The following EFNA5 variants were observed in gnomAD, a reference collection of about 807,000 sequenced individuals.
The protein encoded by EFNA5 is ephrin A5, also known as ephrin-A5.
EFNA5 carries 5 observed loss-of-function variants against 22.9 expected under a neutral mutation model. The ratio of observed to expected loss-of-function variants is 0.22; its 90% CI spans 0.11 to 0.46. The LOEUF is 0.46. Ranked by LOEUF, EFNA5 falls within the 20% of genes least tolerant of loss-of-function variation. The pLI, the probability that EFNA5 is intolerant of heterozygous loss-of-function variation, is 0.99. For synonymous variants in EFNA5, 113 were observed against 112.2 expected, an observed-to-expected ratio of 1.01 and a Z score of -0.04; for missense variants, 237 against 293.3, an observed-to-expected ratio of 0.81 and a Z score of 1.40.
intron 2 of EFNA5, among the ~76,000 whole-genome samples, chr5:107,425,704 C>T (rs1483103057): frequency 1.3e-5 from 2 of 152,108 alleles, no homozygotes; most frequent in African/African-American, 4.8e-5. Flanking sequence ...AAAACTGGTA[C>T]TGTTCAATTT....
At chr5:107,443,493 G>A (rs552943481) in intron 1 of EFNA5, among the ~76,000 whole-genome samples, 1 of 152,202 alleles carries the variant, frequency 6.6e-6, no homozygotes, top group Non-Finnish European at 1.5e-5. Context: ...TGTTGAACTG[G>A]AGACAGTTAA....
At chr5:107,410,878 G>T (rs1344354088) in intron 2 of EFNA5, among the ~76,000 whole-genome samples, 1 of 152,084 alleles carries the variant, frequency 6.6e-6, no homozygotes, top group Non-Finnish European at 1.5e-5. Context: ...CCAGTCTATT[G>T]CATGTCTTAT....
chr5:107,398,132 C>T (rs1056759206), intron 2 of EFNA5, among the ~76,000 whole-genome samples: 3 of 152,074 alleles, frequency 2.0e-5, no homozygotes, highest in African/African-American at 7.2e-5. Flanking sequence ...TTCCCAGGCT[C>T]CCTCTTTATC....
intron 2 of EFNA5, among the ~76,000 whole-genome samples, chr5:107,399,856 A>G (rs1307604419): frequency 6.6e-6 from 1 of 152,204 alleles, no homozygotes; most frequent in African/African-American, 2.4e-5. Flanking sequence ...GTACTTTAAT[A>G]CTTTTAAACT....
At chr5:107,612,295 C>G (rs1224350368) in intron 1 of EFNA5, among the ~76,000 whole-genome samples, 1 of 151,938 alleles carries the variant, frequency 6.6e-6, no homozygotes, top group Non-Finnish European at 1.5e-5. Flanking sequence ...TGCATTATAA[C>G]AACATAATAA....
intron 1 of EFNA5, among the ~76,000 whole-genome samples, chr5:107,593,022 A>T (rs73198701): frequency 0.051 from 7,716 of 152,256 alleles, 643 homozygotes; most frequent in African/African-American, 0.18. Flanking sequence ...ATTAAAAGAG[A>T]TGTGAGAAAC....
intron 4 of EFNA5, among the ~76,000 whole-genome samples, chr5:107,383,808 C>A (rs1243879538): frequency 6.6e-6 from 1 of 152,202 alleles, no homozygotes; most frequent in Non-Finnish European, 1.5e-5. Context: ...AGGAATAGAT[C>A]TTACAAGGTA....
chr5:107,640,761 T>C (rs1346136081), intron 1 of EFNA5, among the ~76,000 whole-genome samples: 2 of 152,200 alleles, frequency 1.3e-5, no homozygotes, highest in Non-Finnish European at 2.9e-5. Flanking sequence ...AATGCTTTCC[T>C]AACCACAGAG....
chr5:107,382,144 G>A (rs1278513621), intron 4 of EFNA5, among the ~76,000 whole-genome samples: 2 of 152,150 alleles, frequency 1.3e-5, no homozygotes, highest in Non-Finnish European at 2.9e-5. Context: ...AGTGAGTTAA[G>A]CTTCTTTTAT....
rs948656264 is a variant in EFNA5, at chr5:107,376,965, C to G, written c.*4290G>C. 1 of 150,484 alleles carries G rather than the reference C, an allele frequency of 6.6e-6. No homozygotes were observed. Among genetic ancestry groups the G allele is most frequent in the Non-Finnish European group, 1.5e-5 (1 of 67,796 alleles). 9.3% of individuals were successfully genotyped at this position (150,484 alleles called of 1,614,324 possible). A position where few individuals can be genotyped will look rare whatever the true frequency, so the allele number is the denominator to read the frequency against. ...GACACGTGTATATACAAATACAGAT[C>G]GTATGGGTTTGTTTGTGTGTGGGTT... On this transcript the variant is annotated 3_prime_UTR_variant, in exon 5 of 5. Coordinates refer to ENST00000333274, the MANE Select transcript of EFNA5 (RefSeq NM_001962.3).
At chr5:107,405,780 G>A (rs1465459080) in intron 2 of EFNA5, among the ~76,000 whole-genome samples, 2 of 151,430 alleles carry the variant, frequency 1.3e-5, no homozygotes, top group African/African-American at 4.9e-5. Flanking sequence ...CCTTACCATG[G>A]TCTATGATGA....
intron 1 of EFNA5, among the ~76,000 whole-genome samples, chr5:107,592,077 A>AATT (rs201409681): frequency 0.24 from 19,990 of 84,750 alleles, 3,918 homozygotes; most frequent in Middle Eastern, 0.4. Flanking sequence ...AATAATAATA[A>AATT]ATTATTAATT....
intron 1 of EFNA5, among the ~76,000 whole-genome samples, chr5:107,500,888 A>G (rs1310299030): frequency 6.7e-6 from 1 of 149,934 alleles, no homozygotes; most frequent in African/African-American, 2.5e-5. Context: ...AAACAAAACA[A>G]AAAGGTTTCC....
At chr5:107,461,357 A>G (rs1378084278) in intron 1 of EFNA5, among the ~76,000 whole-genome samples, 1 of 152,202 alleles carries the variant, frequency 6.6e-6, no homozygotes, top group Non-Finnish European at 1.5e-5. Context: ...AAAGCTATTC[A>G]GTAGAATTCT....
intron 2 of EFNA5, 183 bp downstream of exon 2, chr5:107,427,034 G>C: frequency 1.5e-6 from 1 of 652,138 alleles, no homozygotes; most frequent in Non-Finnish European, 2.6e-6. Context: ...GACGCGCTCT[G>C]TCTTTAATCT....
chr5:107,540,465 T>C (rs757675216), intron 1 of EFNA5, among the ~76,000 whole-genome samples: 35 of 152,224 alleles, frequency 2.3e-4, no homozygotes, highest in Non-Finnish European at 4.7e-4. Context: ...ATCTGCTAAC[T>C]TTCTGCCCTA....
intron 1 of EFNA5, among the ~76,000 whole-genome samples, chr5:107,540,401 A>G (rs191582691): frequency 3.9e-4 from 59 of 152,352 alleles, no homozygotes; most frequent in African/African-American, 1.4e-3. Context: ...CATATTTAAA[A>G]AAGGAAAAAA....
At chr5:107,427,633 T>C (rs1748842766) in intron 1 of EFNA5, 124 bp from the exon 2 acceptor site, 12 of 827,934 alleles carry the variant, frequency 1.4e-5, no homozygotes, top group Non-Finnish European at 2.1e-5. Context: ...TCTTACTGAA[T>C]GCCATTATGA....
At chr5:107,543,559 T>C (rs1748088901) in intron 1 of EFNA5, among the ~76,000 whole-genome samples, 1 of 152,214 alleles carries the variant, frequency 6.6e-6, no homozygotes, top group Admixed American at 6.5e-5. Context: ...TAACTTACTA[T>C]TGTCATAAAA....
Sources: gnomAD v4.1 joint callset for allele counts (sites outside exome capture counted in the v4.1 genomes callset) on GRCh38, gnomAD v4.1.1 for gene constraint, MANE v1.5 for transcripts, NCBI Gene and HGNC (gene_info 2026-07-23, HGNC 2026-07-21) for gene names.